The following KLF12 variants were observed in gnomAD, a reference collection of about 807,000 sequenced individuals.
KLF12 encodes KLF transcription factor 12.
In KLF12, 9 loss-of-function variants were observed where a neutral mutation model predicts 37.8. The ratio of observed to expected loss-of-function variants is 0.24; its 90% CI spans 0.14 to 0.42. KLF12 has a LOEUF of 0.42. Ranked by LOEUF, KLF12 falls within the 10% of genes least tolerant of loss-of-function variation. The probability of loss-of-function intolerance (pLI) is 1.00; values close to 1 mark genes in which losing one functional copy is unlikely to be tolerated. For missense variants in KLF12, 411 were observed against 516.0 expected (o/e 0.80, Z 1.97); for synonymous variants, 208 against 202.1 (o/e 1.03, Z -0.25).
At chr13:74,080,285 G>T (rs925031180) in intron 1 of KLF12, among the ~76,000 whole-genome samples, 10 of 149,366 alleles carry the variant, frequency 6.7e-5, no homozygotes, top group Non-Finnish European at 1.2e-4. Context: ...AAAAAAAGTT[G>T]TTTTTTTTTT....
the KLF12 span, among the ~76,000 whole-genome samples, chr13:74,197,299 G>T: frequency 8.6e-5 from 13 of 152,008 alleles, no homozygotes; most frequent in African/African-American, 3.1e-4. Flanking sequence ...TTACAAAATT[G>T]CAAGTTTTAA....
chr13:73,858,952 A>G (rs192422568), intron 3 of KLF12, among the ~76,000 whole-genome samples: 1 of 152,256 alleles, frequency 6.6e-6, no homozygotes, highest in Non-Finnish European at 1.5e-5. Flanking sequence ...ATGATTTTAA[A>G]ACGCAGGAAA....
Position 73,846,367 on chromosome 13 carries a change from T to C in KLF12, c.130A>G (p.Asn44Asp), listed in dbSNP as rs1245797111. ...TCCATATCGGGATAGTTGTGGACGT[T>C]TGGAGACTGTGGGGAGAAAAATGGA... The change falls in exon 4 of 8, where the codon AAC (asparagine) becomes GAC (aspartate). Residue 44 changes from asparagine to aspartate, a missense_variant. Asn to Asp is a conservative substitution (Grantham distance 23). This residue lies in a region of KLF12 where 351 missense variants were observed against 397.8 expected (regional missense o/e 0.88). Coordinates refer to ENST00000377669, the MANE Select transcript of KLF12 (RefSeq NM_007249.5). 1.2e-6 allele frequency: 2 copies of C among 1,609,792 alleles called. No individual in the cohort carries two copies. Among genetic ancestry groups the C allele is most frequent in the East Asian group, 2.2e-5 (1 of 44,834 alleles).
chr13:74,294,675 A>G, the KLF12 span, among the ~76,000 whole-genome samples: 2 of 152,212 alleles, frequency 1.3e-5, no homozygotes, highest in South Asian at 2.1e-4. Context: ...CCTCTTCCAC[A>G]TGCATTCTCT....
chr13:74,151,652 C>CAATAAATAAATAAATAAATA, the KLF12 span, among the ~76,000 whole-genome samples: 6 of 142,372 alleles, frequency 4.2e-5, no homozygotes, highest in South Asian at 2.2e-4. Flanking sequence ...GACCCCATCT[C>CAATAAATAAATAAATAAATA]AATAAATAAA....
At chr13:73,776,368 G>A (rs991088657) in intron 5 of KLF12, among the ~76,000 whole-genome samples, 1 of 152,182 alleles carries the variant, frequency 6.6e-6, no homozygotes. Context: ...TGACCTACCA[G>A]CTTATACAGA....
intron 1 of KLF12, among the ~76,000 whole-genome samples, chr13:74,133,346 G>A (rs1450282325): frequency 6.6e-6 from 1 of 150,874 alleles, no homozygotes; most frequent in Non-Finnish European, 1.5e-5. Context: ...CAGCCCTGGG[G>A]TTTTATTTCA....
At chr13:73,713,507 A>G (rs372097462) in intron 7 of KLF12, among the ~76,000 whole-genome samples, 1 of 152,254 alleles carries the variant, frequency 6.6e-6, no homozygotes, top group Non-Finnish European at 1.5e-5. Flanking sequence ...TCTCTGCGAA[A>G]TATGACACGC....
At chr13:73,800,213 A>G (rs568100094) in intron 5 of KLF12, 56 of 152,222 alleles carry the variant, frequency 3.7e-4, no homozygotes, top group African/African-American at 1.3e-3. Flanking sequence ...ACTCTATTAT[A>G]CTTGGCAAAA....
chr13:73,979,156 C>T (rs1351686802), intron 2 of KLF12, among the ~76,000 whole-genome samples: 1 of 152,130 alleles, frequency 6.6e-6, no homozygotes, highest in East Asian at 1.9e-4. Flanking sequence ...CTAATATAAA[C>T]CAGGAACTTT....
Position 73,687,883 on chromosome 13 carries a change from G to A in KLF12, c.*7607C>T, listed in dbSNP as rs1043401163. 1.3e-5 allele frequency: 2 copies of A among 152,166 alleles called. No homozygotes were observed. Among genetic ancestry groups the A allele is most frequent in the African/African-American group, 4.8e-5 (2 of 41,442 alleles). 9.4% of individuals were successfully genotyped at this position (152,166 alleles called of 1,614,324 possible). A position where few individuals can be genotyped will look rare whatever the true frequency, so the allele number is the denominator to read the frequency against. On this transcript the variant is annotated 3_prime_UTR_variant, in exon 8 of 8. Transcript: ENST00000377669. ...AAATCCAGAAAGAAAAAGTACTGAGGCGACTGTTTCCACTATTGATCTCTT... is the reference window on the plus strand; with the variant it reads ...AAATCCAGAAAGAAAAAGTACTGAGACGACTGTTTCCACTATTGATCTCTT...
chr13:73,828,256 G>C (rs1225711191), intron 4 of KLF12, among the ~76,000 whole-genome samples: 1 of 152,008 alleles, frequency 6.6e-6, no homozygotes, highest in Non-Finnish European at 1.5e-5. Context: ...ACTCATGCTT[G>C]ACAATTTCAC....
At chr13:73,963,625 C>T (rs1891089028) in intron 2 of KLF12, among the ~76,000 whole-genome samples, 2 of 152,102 alleles carry the variant, frequency 1.3e-5, no homozygotes, top group South Asian at 4.1e-4. Context: ...AAAAATAACT[C>T]CAATTTTCTA....
At chr13:73,783,549 A>C (rs961916271) in intron 5 of KLF12, among the ~76,000 whole-genome samples, 2 of 152,168 alleles carry the variant, frequency 1.3e-5, no homozygotes, top group African/African-American at 4.8e-5. Context: ...TGATTGGATC[A>C]TTATGCCCTG....
Position 73,762,652 on chromosome 13 carries a change from T to C in KLF12, c.869+2286A>G, listed in dbSNP as rs142691241. Among the ~76,000 whole-genome samples the C allele has an allele frequency of 3.9e-5, 6 of 152,284 alleles. No homozygotes were observed. The East Asian group carries it at 1.2e-3, about 29-fold the overall frequency. ...TGAACCCAAGCCAGAGCCAAGCTAG[T>C]GTTGAACTTGACATGTAATCCTACA... On this transcript the variant is annotated intron_variant, in intron 6 of 7. Coordinates refer to ENST00000377669, the MANE Select transcript of KLF12 (RefSeq NM_007249.5).
intron 6 of KLF12, among the ~76,000 whole-genome samples, chr13:73,738,118 TATATATAC>T (rs1400244604): frequency 1.7e-4 from 11 of 65,280 alleles, no homozygotes; most frequent in Non-Finnish European, 2.3e-4. Flanking sequence ...TATATATATA[TATATATAC>T]ACACACACAC....
At chr13:74,131,397 T>C (rs974854218) in intron 1 of KLF12, among the ~76,000 whole-genome samples, 8 of 152,166 alleles carry the variant, frequency 5.3e-5, no homozygotes, top group Admixed American at 2.6e-4. Flanking sequence ...GTGAGTACAC[T>C]AGTGTTTGCA....
In KLF12 at chr13:74,070,077, A is replaced by G. The variant is rs1011699709; in HGVS notation, c.-32+63662T>C. Among the ~76,000 whole-genome samples the G allele has an allele frequency of 3.3e-5, 5 of 152,332 alleles. No individual in the cohort carries two copies. In the South Asian group the frequency reaches 1.0e-3, roughly 32 times the overall value. On this transcript the variant is annotated intron_variant, in intron 1 of 7. Coordinates refer to ENST00000377669, the MANE Select transcript of KLF12 (RefSeq NM_007249.5). ...TGAAGCCGCAGAAATAAATGGGCAC[A>G]TGATGTAAGGGCAAATAGAGAAACG...
chr13:73,907,809 A>G (rs778836698), intron 3 of KLF12, among the ~76,000 whole-genome samples: 4 of 152,124 alleles, frequency 2.6e-5, no homozygotes, highest in Non-Finnish European at 5.9e-5. Flanking sequence ...TCACAGTGAA[A>G]GCCTAAGTCA....
Sources: allele counts gnomAD v4.1 joint callset (sites outside exome capture counted in the v4.1 genomes callset), GRCh38; gene constraint gnomAD v4.1.1; regional missense constraint gnomAD v4.1.1; transcripts MANE v1.5; gene names NCBI Gene and HGNC (gene_info 2026-07-23, HGNC 2026-07-21).